GIMD1: variants seen among roughly 807,000 people sequenced by gnomAD.
GIMD1 encodes GTPase IMAP family member GIMD1.
In GIMD1, 14 loss-of-function variants were observed where a neutral mutation model predicts 14.9. The observed-to-expected ratio is 0.94, with a 90% CI of 0.62 to 1.47. The LOEUF (loss-of-function observed/expected upper bound fraction) is 1.47, where lower values mean the gene tolerates loss of function less well. GIMD1 is among the 40% of genes most tolerant of loss of function. The pLI is 0.00. For synonymous variants in GIMD1, 91 were observed against 90.5 expected (o/e 1.01, Z -0.03); for missense variants, 272 against 255.3 (o/e 1.07, Z -0.44).
intron 2 of GIMD1, among the ~76,000 whole-genome samples, chr4:106,362,112 A>C (rs1428663213): frequency 6.6e-6 from 1 of 152,108 alleles, no homozygotes; most frequent in East Asian, 1.9e-4. Flanking sequence ...TGCCACTTAA[A>C]AGTCCATGTG....
At chr4:106,367,896 T>C (rs1346345575) in intron 1 of GIMD1, among the ~76,000 whole-genome samples, 1 of 152,108 alleles carries the variant, frequency 6.6e-6, no homozygotes, top group Non-Finnish European at 1.5e-5. Context: ...CCTTCTTGCT[T>C]TCTAACAACA....
chr4:106,363,890 G>A (rs1018733827), intron 2 of GIMD1, among the ~76,000 whole-genome samples: 13 of 140,048 alleles, frequency 9.3e-5, no homozygotes, highest in African/African-American at 2.6e-4. Flanking sequence ...TAATGGGGGG[G>A]GGGGGGCGGA....
chr4:106,358,563 C>A (rs539188472), intron 2 of GIMD1, 120 bp from the exon 3 acceptor site: 2 of 714,500 alleles, frequency 2.8e-6, no homozygotes, highest in Non-Finnish European at 4.3e-6. Context: ...TTTCTGAAAG[C>A]TGATATACAA....
At chr4:106,361,534 C>T (rs1770612993) in intron 2 of GIMD1, among the ~76,000 whole-genome samples, 1 of 152,022 alleles carries the variant, frequency 6.6e-6, no homozygotes, top group South Asian at 2.1e-4. Context: ...TAAACAAGTA[C>T]AGCTATTGAT....
intron 2 of GIMD1, among the ~76,000 whole-genome samples, chr4:106,362,448 C>T (rs1211680144): frequency 1.3e-5 from 2 of 152,002 alleles, no homozygotes; most frequent in Non-Finnish European, 2.9e-5. Context: ...AAATATAGTA[C>T]TAAGCTAGAT....
rs898615170 is a variant in GIMD1, at chr4:106,357,611, T to C, written c.*572A>G. The C allele has an allele frequency of 1.3e-5, 2 of 152,056 alleles. No homozygotes were observed. Among genetic ancestry groups the C allele is most frequent in the African/African-American group, 4.8e-5 (2 of 41,444 alleles). The allele number at this position is 152,056 out of a possible 1,614,324, so 9.4% of individuals were successfully genotyped here. A position where few individuals can be genotyped will look rare whatever the true frequency, so the allele number is the denominator to read the frequency against. On this transcript the variant is annotated 3_prime_UTR_variant, in exon 3 of 3. Transcript: ENST00000638719. Reference sequence around the variant, plus strand: ...CAATCTCCTCCCCAAGGTTAACCACTCTCCCAATTTCCAGCACTTCTACCA... The same window carrying C: ...CAATCTCCTCCCCAAGGTTAACCACCCTCCCAATTTCCAGCACTTCTACCA...
chr4:106,365,548 G>C (rs143141274), intron 2 of GIMD1, among the ~76,000 whole-genome samples: 1 of 152,244 alleles, frequency 6.6e-6, no homozygotes, highest in African/African-American at 2.4e-5. Flanking sequence ...AGTATGAGCT[G>C]AGACTGAACC....
At position 106,367,510 on chromosome 4, in the gene GIMD1, C is replaced by T. The variant is rs1770723250; in HGVS notation, c.-2-73G>A. ...CCCCAATGTAAGTTTTCTTACCTGG[C>T]CTGGTTGCACTCCAAGTACGATTTT... On this transcript the variant is annotated intron_variant, in intron 1 of 2. Coordinates refer to ENST00000638719, the MANE Select transcript of GIMD1 (RefSeq NM_001195138.2). The T allele has an allele frequency of 5.2e-6, 7 of 1,350,482 alleles. No homozygotes were observed. The East Asian group carries it at 1.8e-4, about 34-fold the overall frequency. 83.7% of individuals were successfully genotyped at this position (1,350,482 alleles called of 1,614,324 possible). A position where few individuals can be genotyped will look rare whatever the true frequency, so the allele number is the denominator to read the frequency against.
At chr4:106,365,910 T>C (rs1465815145) in intron 2 of GIMD1, among the ~76,000 whole-genome samples, 1 of 147,992 alleles carries the variant, frequency 6.8e-6, no homozygotes, top group Non-Finnish European at 1.5e-5. Flanking sequence ...CCACACATCA[T>C]ATGCACACAC....
At chr4:106,365,273 T>A (rs1770679422) in intron 2 of GIMD1, among the ~76,000 whole-genome samples, 1 of 152,168 alleles carries the variant, frequency 6.6e-6, no homozygotes, top group Non-Finnish European at 1.5e-5. Flanking sequence ...CATCTTCTAT[T>A]CTTCCTTACT....
chr4:106,368,629 T>A, intron 1 of GIMD1, 81 bp downstream of exon 1: 1 of 396,682 alleles, frequency 2.5e-6, no homozygotes, highest in East Asian at 3.6e-5. Context: ...GCAGTCAATT[T>A]CTTTTTACTC....
rs1052266899 is a variant in GIMD1, at chr4:106,367,286, G to A, written c.150C>T (p.Gly50=). 1.2e-5 allele frequency: 19 copies of A among 1,535,862 alleles called. No individual in the cohort carries two copies. The South Asian group carries it at 1.5e-4, about 13-fold the overall frequency. ...TGAAGCTGTGGAGGTGACAACTGCG[G>A]CCCAGGCTACAACATGTGGTCACAG... ...PCSVTTCCSL[G]RSCHLHSFMR... The change falls in exon 2 of 3, where the codon GGC becomes GGT. Residue 50 remains glycine, a synonymous_variant. Coordinates refer to ENST00000638719, the MANE Select transcript of GIMD1 (RefSeq NM_001195138.2).
chr4:106,358,522 T>C (rs1426928809), intron 2 of GIMD1, 79 bp from the exon 3 acceptor site: 9 of 1,053,120 alleles, frequency 8.5e-6, no homozygotes, highest in Non-Finnish European at 9.2e-6. Context: ...TACGGTCCAA[T>C]ATAGATAGCC....
intron 2 of GIMD1, 34 bp from the exon 3 acceptor site, chr4:106,358,477 G>C (rs1770567430): frequency 1.4e-6 from 2 of 1,458,302 alleles, no homozygotes; most frequent in Non-Finnish European, 1.8e-6. Context: ...TATTGAACTT[G>C]AACTATATTC....
chr4:106,366,833 G>A (rs903775855), intron 2 of GIMD1, among the ~76,000 whole-genome samples: 7 of 151,582 alleles, frequency 4.6e-5, no homozygotes, highest in African/African-American at 1.7e-4. Context: ...TTCCTCTGAA[G>A]GAGGTCATAA....
chr4:106,360,122 G>A (rs758450317), intron 2 of GIMD1, among the ~76,000 whole-genome samples: 4 of 151,926 alleles, frequency 2.6e-5, no homozygotes, highest in Non-Finnish European at 4.4e-5. Flanking sequence ...TGGTTTTGAA[G>A]TATAATTAAT....
Position 106,367,106 on chromosome 4 carries a change from C to T in GIMD1, c.330G>A (p.Leu110=), listed in dbSNP as rs980942306. ...FGQGGLHLAL[L]VQRADVPFCG... ...AGAAAGGCACATCTGCTCTCTGAAC[C>T]AGGAGTGCAAGGTGGAGACCCCCTT... is the stretch of plus-strand genomic sequence containing the variant. The change falls in exon 2 of 3, where the codon CTG becomes CTA. Residue 110 remains leucine, a synonymous_variant. Transcript: ENST00000638719. 3 of 1,535,258 alleles carry T rather than the reference C, an allele frequency of 2.0e-6. No individual in the cohort carries two copies. Among genetic ancestry groups the T allele is most frequent in the African/African-American group, 2.7e-5 (2 of 72,928 alleles).
In GIMD1 at chr4:106,367,314, C is replaced by G. The variant is rs2125935012; in HGVS notation, c.122G>C (p.Cys41Ser). ...CAGGCTACAACATGTGGTCACAGAACAGGGAGCAAAGCTGCTGTGAAAGTC... is the reference window on the plus strand; with the variant it reads ...CAGGCTACAACATGTGGTCACAGAAGAGGGAGCAAAGCTGCTGTGAAAGTC... ...STDFHSSFAPCSVTTCCSLGR... is the reference protein window; with the variant it reads ...STDFHSSFAPSSVTTCCSLGR... Residue 41 changes from cysteine to serine, a missense_variant, in exon 2 of 3, where the codon TGT (cysteine) becomes TCT (serine). Cys to Ser is a moderately radical substitution (Grantham distance 112, BLOSUM62 -1). Transcript: ENST00000638719. 2 of 1,536,012 alleles carry G rather than the reference C, an allele frequency of 1.3e-6. No individual in the cohort carries two copies. The highest frequency in any genetic ancestry group is 2.7e-5 in the African/African-American group (2 of 73,134).
chr4:106,359,832 A>T lies in GIMD1; in HGVS notation c.394-1389T>A, dbSNP rs867139595. Among the ~76,000 whole-genome samples, 11 of 152,028 alleles carry T rather than the reference A, an allele frequency of 7.2e-5. No homozygotes were observed. In the South Asian group the frequency reaches 2.1e-3, roughly 29 times the overall value. Reference sequence around the variant, plus strand: ...AATCTAACATGAAAATACTCGTGAGAACTACGGGACAAAACATTTAAAATT... The same window carrying T: ...AATCTAACATGAAAATACTCGTGAGTACTACGGGACAAAACATTTAAAATT... On this transcript the variant is annotated intron_variant, in intron 2 of 2. Transcript: ENST00000638719.
Sources: gnomAD v4.1 joint callset for allele counts (sites outside exome capture counted in the v4.1 genomes callset) on GRCh38, gnomAD v4.1.1 for gene constraint, MANE v1.5 for transcripts, NCBI Gene and HGNC (gene_info 2026-07-23, HGNC 2026-07-21) for gene names.